OPCML: variants seen among roughly 807,000 people sequenced by gnomAD.
OPCML encodes opioid binding protein/cell adhesion molecule like, also known as opioid-binding protein/cell adhesion molecule.
A neutral mutation model predicts 37.8 loss-of-function variants in OPCML; 13 were observed. That is an observed-to-expected ratio of 0.34 (90% CI 0.22 to 0.55). The LOEUF (loss-of-function observed/expected upper bound fraction) is 0.55, where lower values mean the gene tolerates loss of function less well. Ranked by LOEUF, OPCML falls within the 20% of genes least tolerant of loss-of-function variation. OPCML has a pLI of 0.91. For synonymous variants in OPCML, 176 were observed against 168.8 expected (o/e 1.04, Z -0.33); for missense variants, 341 against 435.6 (o/e 0.78, Z 1.93).
intron 1 of OPCML, among the ~76,000 whole-genome samples, chr11:133,462,687 G>A (rs1051119300): frequency 1.3e-5 from 2 of 152,124 alleles, no homozygotes; most frequent in East Asian, 3.9e-4. Context: ...ATAACAAGTA[G>A]TGGGGAGAAT....
intron 1 of OPCML, among the ~76,000 whole-genome samples, chr11:133,413,447 G>A (rs143887669): frequency 0.085 from 12,930 of 151,576 alleles, 1,611 homozygotes; most frequent in African/African-American, 0.27. Flanking sequence ...CCTGCACATT[G>A]TGCACATGTA....
intron 3 of OPCML, among the ~76,000 whole-genome samples, chr11:132,598,596 A>C (rs1220641153): frequency 6.6e-6 from 1 of 152,148 alleles, no homozygotes; most frequent in Non-Finnish European, 1.5e-5. Flanking sequence ...TATTAATCCG[A>C]ATAAGTTGGT....
chr11:133,388,028 G>T (rs750894354), intron 1 of OPCML, among the ~76,000 whole-genome samples: 2 of 152,140 alleles, frequency 1.3e-5, no homozygotes, highest in Non-Finnish European at 2.9e-5. Flanking sequence ...GGGGCAGATC[G>T]TATGGGGCCC....
At chr11:132,570,742 G>T (rs1355868797) in intron 3 of OPCML, among the ~76,000 whole-genome samples, 1 of 102,080 alleles carries the variant, frequency 9.8e-6, no homozygotes, top group African/African-American at 3.6e-5. Flanking sequence ...CAGGGGAATA[G>T]GCAGGAAAGA....
At chr11:133,383,417 G>A (rs559768464) in intron 1 of OPCML, among the ~76,000 whole-genome samples, 2 of 152,202 alleles carry the variant, frequency 1.3e-5, no homozygotes, top group African/African-American at 4.8e-5. Flanking sequence ...GTGAGTGTCT[G>A]AGTGAAGACG....
chr11:133,324,635 G>A lies in OPCML; in HGVS notation c.61+207629C>T, dbSNP rs758649175. ...TCTCTCTGAGGGCAGTGGGACCTCCGGCCTCAGTTACAGGGCAGCGGGGGC... is the reference window on the plus strand; with the variant it reads ...TCTCTCTGAGGGCAGTGGGACCTCCAGCCTCAGTTACAGGGCAGCGGGGGC... On this transcript the variant is annotated intron_variant, in intron 1 of 7. Transcript: ENST00000524381. Among the ~76,000 whole-genome samples the A allele has an allele frequency of 5.3e-5, 8 of 152,160 alleles. No individual in the cohort carries two copies. In the South Asian group the frequency reaches 6.2e-4, roughly 12 times the overall value.
intron 1 of OPCML, among the ~76,000 whole-genome samples, chr11:133,511,000 T>C (rs1382534453): frequency 2.6e-5 from 4 of 152,112 alleles, no homozygotes; most frequent in African/African-American, 7.2e-5. Flanking sequence ...CAAAGGAAAC[T>C]CCTGATCCCT....
intron 4 of OPCML, among the ~76,000 whole-genome samples, chr11:132,497,114 C>T (rs1044171806): frequency 6.6e-6 from 1 of 152,072 alleles, no homozygotes; most frequent in Non-Finnish European, 1.5e-5. Context: ...AGCTGAAACC[C>T]ATTATCCTCA....
At chr11:133,447,389 G>A (rs1946494012) in intron 1 of OPCML, among the ~76,000 whole-genome samples, 1 of 152,058 alleles carries the variant, frequency 6.6e-6, no homozygotes, top group African/African-American at 2.4e-5. Context: ...TTTTATTTTA[G>A]ATTCAAGCAG....
chr11:133,051,637 G>C (rs1948133681), intron 1 of OPCML, among the ~76,000 whole-genome samples: 1 of 152,132 alleles, frequency 6.6e-6, no homozygotes, highest in Non-Finnish European at 1.5e-5. Context: ...GGGAAAGAAG[G>C]CATCATGTCG....
At chr11:132,898,069 T>C (rs964543501) in intron 2 of OPCML, among the ~76,000 whole-genome samples, 7 of 152,112 alleles carry the variant, frequency 4.6e-5, no homozygotes, top group African/African-American at 1.2e-4. Context: ...GTGGTAGGGA[T>C]GGAGGTTGTG....
chr11:132,600,877 T>C (rs983890861), intron 3 of OPCML, among the ~76,000 whole-genome samples: 3 of 132,146 alleles, frequency 2.3e-5, no homozygotes, highest in African/African-American at 8.7e-5. Flanking sequence ...AGAGACACGG[T>C]CTCTATATTG....
intron 2 of OPCML, among the ~76,000 whole-genome samples, chr11:132,866,852 C>T (rs1243402000): frequency 6.6e-6 from 1 of 152,216 alleles, no homozygotes; most frequent in African/African-American, 2.4e-5. Flanking sequence ...TCTGAATTTG[C>T]ATCTCTGTAC....
chr11:133,457,963 G>A (rs893264754), intron 1 of OPCML, among the ~76,000 whole-genome samples: 3 of 151,856 alleles, frequency 2.0e-5, no homozygotes, highest in African/African-American at 7.3e-5. Flanking sequence ...TGGCCAACAT[G>A]GTGAAACCCT....
At chr11:132,807,519 A>G (rs2136217741) in intron 2 of OPCML, among the ~76,000 whole-genome samples, 1 of 152,324 alleles carries the variant, frequency 6.6e-6, no homozygotes, top group Non-Finnish European at 1.5e-5. Flanking sequence ...CCACGGGTAA[A>G]TTCTAGTATT....
chr11:133,004,457 G>C, intron 1 of OPCML: 1 of 985,464 alleles, frequency 1.0e-6, no homozygotes, highest in Non-Finnish European at 1.2e-6. Context: ...TGGAGGCTGA[G>C]GTGTGCTTGG....
intron 2 of OPCML, among the ~76,000 whole-genome samples, chr11:132,748,721 G>A (rs1339956695): frequency 1.3e-5 from 2 of 152,102 alleles, no homozygotes; most frequent in Non-Finnish European, 2.9e-5. Flanking sequence ...GGCGAGCGGA[G>A]AAGAAACACA....
chr11:132,653,913 C>A (rs987120936), intron 3 of OPCML, among the ~76,000 whole-genome samples: 3 of 152,154 alleles, frequency 2.0e-5, no homozygotes, highest in African/African-American at 7.2e-5. Context: ...TCTCTCATTG[C>A]AAAATCAATA....
chr11:132,943,204 C>A lies in OPCML; in HGVS notation c.62-194G>T, dbSNP rs1945645832. ...CGGGGAGGAGGGAAGGGGCAGAGTT[C>A]GCCAGGAGCAGGGGGAAGGAGAAGA... On this transcript the variant is annotated intron_variant, in intron 1 of 7. Coordinates refer to ENST00000524381, the MANE Select transcript of OPCML (RefSeq NM_001012393.5). This position sits in a 1 kb window ranked among gnomAD's most constrained non-coding sequence, Gnocchi z 4.3. 4 of 1,521,080 alleles carry A rather than the reference C, an allele frequency of 2.6e-6. No homozygotes were observed. The highest frequency in any genetic ancestry group is 3.7e-5 in the Admixed American group (2 of 53,844). The allele number at this position is 1,521,080 out of a possible 1,614,324, so 94.2% of individuals were successfully genotyped here.
Sources: allele counts gnomAD v4.1 joint callset (sites outside exome capture counted in the v4.1 genomes callset), GRCh38; gene constraint gnomAD v4.1.1; non-coding constraint Gnocchi (gnomAD v3.1); transcripts MANE v1.5; gene names NCBI Gene and HGNC (gene_info 2026-07-23, HGNC 2026-07-21).